Variants in HPSE2 observed in about 807,000 individuals in gnomAD.
HPSE2 encodes the protein inactive heparanase-2.
In HPSE2, 38 loss-of-function variants were observed where a neutral mutation model predicts 60.5. The observed-to-expected ratio is 0.63, with a 90% CI of 0.48 to 0.82. HPSE2 has a LOEUF of 0.82. Among genes scored for constraint, HPSE2 ranks in the 40% least tolerant of loss-of-function variants. HPSE2 has a pLI of 0.00. For missense variants in HPSE2, 713 were observed against 740.4 expected (o/e 0.96, Z 0.43); for synonymous variants, 295 against 293.2 (o/e 1.01, Z -0.06).
rs540402908 is a variant in HPSE2 at position 98,941,107 on chromosome 10, C to T, written c.611-197051G>A. 6.3e-5 allele frequency among the ~76,000 whole-genome samples: 9 copies of T among 142,582 alleles called. 1 individual carries two copies. Among genetic ancestry groups the T allele is most frequent in the South Asian group, 2.1e-4 (1 of 4,704 alleles). The allele number at this position is 142,582 out of a possible 152,430, so 93.5% of individuals were successfully genotyped here. On this transcript the variant is annotated intron_variant, in intron 3 of 11. Coordinates refer to ENST00000370552, the MANE Select transcript of HPSE2 (RefSeq NM_021828.5). ...TCAAAAGAATAAGAGCTATCTATGA[C>T]GAACCCACAGCCAGTATCATCCTGA...
intron 9 of HPSE2, among the ~76,000 whole-genome samples, chr10:98,586,163 T>C (rs536627513): frequency 9.2e-5 from 14 of 152,308 alleles, no homozygotes; most frequent in Non-Finnish European, 1.9e-4. Context: ...AAAGGATTCA[T>C]ATACAATAGA....
At chr10:98,905,406 C>T (rs1953787398) in intron 3 of HPSE2, among the ~76,000 whole-genome samples, 1 of 150,552 alleles carries the variant, frequency 6.6e-6, no homozygotes, top group Non-Finnish European at 1.5e-5. Context: ...TGAGAATATA[C>T]TAACAAGTAC....
At chr10:98,722,828 C>T (rs1203123621) in intron 4 of HPSE2, among the ~76,000 whole-genome samples, 1 of 152,012 alleles carries the variant, frequency 6.6e-6, no homozygotes, top group Non-Finnish European at 1.5e-5. Flanking sequence ...AAGAAATAAA[C>T]CTGTAGACTT....
intron 3 of HPSE2, among the ~76,000 whole-genome samples, chr10:99,094,325 G>A (rs1331376934): frequency 1.3e-5 from 2 of 151,340 alleles, no homozygotes; most frequent in Non-Finnish European, 2.9e-5. Context: ...TTACAGTCAA[G>A]TGCAGAAAAT....
chr10:98,959,190 G>A (rs1350184304), intron 3 of HPSE2, among the ~76,000 whole-genome samples: 6 of 151,956 alleles, frequency 3.9e-5, no homozygotes, highest in Non-Finnish European at 5.9e-5. Context: ...ATTTTCTAAT[G>A]GAGTGCTTTC....
chr10:98,521,214 T>C (rs1942780477), intron 9 of HPSE2, among the ~76,000 whole-genome samples: 2 of 152,098 alleles, frequency 1.3e-5, no homozygotes, highest in Non-Finnish European at 2.9e-5. Context: ...ACCTACAGAA[T>C]GGAAGAAAAT....
intron 3 of HPSE2, among the ~76,000 whole-genome samples, chr10:98,894,401 G>A (rs898790101): frequency 6.6e-6 from 1 of 152,068 alleles, no homozygotes; most frequent in Middle Eastern, 3.4e-3. Flanking sequence ...GAAATAATGA[G>A]GCAAAATTTA....
intron 2 of HPSE2, among the ~76,000 whole-genome samples, chr10:99,187,497 T>C (rs952602443): frequency 2.0e-5 from 3 of 151,978 alleles, no homozygotes; most frequent in Non-Finnish European, 4.4e-5. Context: ...ACAAAACAAA[T>C]ATCTGACAAA....
chr10:99,259,070 CT>C, the HPSE2 span, among the ~76,000 whole-genome samples: 1 of 152,162 alleles, frequency 6.6e-6, no homozygotes, highest in African/African-American at 2.4e-5. Context: ...CTTTGGGAGG[CT>C]GATGTGGGTG....
the HPSE2 span, among the ~76,000 whole-genome samples, chr10:99,308,841 T>A: frequency 6.6e-6 from 1 of 152,196 alleles, no homozygotes; most frequent in African/African-American, 2.4e-5. Flanking sequence ...AAAGATTCAT[T>A]TGATGAATCT....
chr10:99,051,917 A>T (rs1304588878), intron 3 of HPSE2, among the ~76,000 whole-genome samples: 1 of 151,990 alleles, frequency 6.6e-6, no homozygotes, highest in Non-Finnish European at 1.5e-5. Context: ...GTTTAAGGTG[A>T]TCAGCCAATA....
intron 9 of HPSE2, among the ~76,000 whole-genome samples, chr10:98,571,942 T>TTCTTTC (rs76650605): frequency 2.4e-4 from 33 of 136,320 alleles, no homozygotes; most frequent in Non-Finnish European, 2.9e-4. Flanking sequence ...TTCCTTTTCT[T>TTCTTTC]TTTTTTTTTT....
chr10:99,217,521 A>T (rs1322112862), intron 2 of HPSE2, among the ~76,000 whole-genome samples: 2 of 151,822 alleles, frequency 1.3e-5, no homozygotes, highest in African/African-American at 4.8e-5. Flanking sequence ...GATTTTTTTT[A>T]AATCAAAATG....
intron 3 of HPSE2, among the ~76,000 whole-genome samples, chr10:98,849,419 A>G (rs1478007915): frequency 6.6e-6 from 1 of 152,234 alleles, no homozygotes; most frequent in African/African-American, 2.4e-5. Flanking sequence ...ACAGAATCAG[A>G]GTAAATAAGC....
chr10:98,916,462 CTT>C (rs1954122731), intron 3 of HPSE2, among the ~76,000 whole-genome samples: 1 of 152,186 alleles, frequency 6.6e-6, no homozygotes, highest in African/African-American at 2.4e-5. Context: ...ATATGACTCT[CTT>C]AATTCTTCTC....
At chr10:99,201,977 C>T (rs1848590460) in intron 2 of HPSE2, among the ~76,000 whole-genome samples, 1 of 152,120 alleles carries the variant, frequency 6.6e-6, no homozygotes, top group Admixed American at 6.6e-5. Context: ...CTTCCATACT[C>T]TAACCACAGC....
chr10:99,171,443 A>AAGACAG (rs1341299200), intron 2 of HPSE2, among the ~76,000 whole-genome samples: 2 of 152,204 alleles, frequency 1.3e-5, no homozygotes, highest in Non-Finnish European at 2.9e-5. Flanking sequence ...GGGAAAAAAA[A>AAGACAG]AGACAGAGGT....
At position 99,230,232 on chromosome 10, in the gene HPSE2, A is replaced by AT. The variant is rs1050101316; in HGVS notation, c.448+2115dup. On this transcript the variant is annotated intron_variant, in intron 2 of 11. Transcript: ENST00000370552. ...AGATAAAAAACAGCTATGAGGAAAC[A>AT]TTTTTTTTTAAGCTAACACTCACAC... Among the ~76,000 whole-genome samples, 23 of 151,694 alleles carry AT rather than the reference A, an allele frequency of 1.5e-4. No individual in the cohort carries two copies. The East Asian group carries it at 1.6e-3, about 10-fold the overall frequency.
chr10:99,017,438 T>G (rs566391185), intron 3 of HPSE2, among the ~76,000 whole-genome samples: 4 of 152,188 alleles, frequency 2.6e-5, no homozygotes, highest in Non-Finnish European at 5.9e-5. Context: ...AGTATTTTGT[T>G]GAGGATTTTT....
Sources: allele counts gnomAD v4.1 joint callset (sites outside exome capture counted in the v4.1 genomes callset), GRCh38; gene constraint gnomAD v4.1.1; transcripts MANE v1.5; gene names NCBI Gene and HGNC (gene_info 2026-07-23, HGNC 2026-07-21).